Variants in CBLN4 observed in about 807,000 individuals in gnomAD.
The protein encoded by CBLN4 is cerebellin 4 precursor.
A neutral mutation model predicts 14.9 loss-of-function variants in CBLN4; 7 were observed. That is an observed-to-expected ratio of 0.47 (90% CI 0.27 to 0.88). The LOEUF (loss-of-function observed/expected upper bound fraction) is 0.88. CBLN4 is among the 40% of genes least tolerant of loss of function. The pLI is 0.14. For missense variants in CBLN4, 188 were observed against 256.8 expected, an observed-to-expected ratio of 0.73 and a Z score of 1.83; for synonymous variants, 131 against 116.5, an observed-to-expected ratio of 1.12 and a Z score of -0.80.
rs530165679 is a variant in CBLN4, at chr20:56,001,749, T to C, written c.292-902A>G. 5.3e-5 allele frequency among the ~76,000 whole-genome samples: 8 copies of C among 152,334 alleles called. No individual in the cohort carries two copies. The East Asian group carries it at 1.5e-3, about 29-fold the overall frequency. On this transcript the variant is annotated intron_variant, in intron 1 of 2. Coordinates refer to ENST00000064571, the MANE Select transcript of CBLN4 (RefSeq NM_080617.6). Reference sequence around the variant, plus strand: ...CAAGAAAGCAACAATGCATTTTGTATTCCAAAATATTCAGCCTAGTTCTAT... The same window carrying C: ...CAAGAAAGCAACAATGCATTTTGTACTCCAAAATATTCAGCCTAGTTCTAT...
At position 55,998,252 on chromosome 20, in the gene CBLN4, A is replaced by G. The variant is rs926241398; in HGVS notation, c.*305T>C. The G allele has an allele frequency of 2.9e-5, 10 of 349,708 alleles. No homozygotes were observed. The highest frequency in any genetic ancestry group is 4.2e-5 in the Non-Finnish European group (8 of 192,340). 21.7% of individuals were successfully genotyped at this position (349,708 alleles called of 1,614,324 possible). On this transcript the variant is annotated 3_prime_UTR_variant, in exon 3 of 3. Transcript: ENST00000064571. ...TAAAACTAAACAAATAAAATTCCAC[A>G]TCTGTAACTAATTCAGTAATCCCAG...
Position 56,003,865 on chromosome 20 carries a change from T to C in CBLN4, c.291+16A>G. The C allele has an allele frequency of 1.3e-6, 2 of 1,576,632 alleles. No individual in the cohort carries two copies. The highest frequency in any genetic ancestry group is 1.4e-5 in the African/African-American group (1 of 72,972). Reference sequence around the variant, plus strand: ...ACCGCCCACCCCCTAGGTGCTCGCTTCCCCCCGGGTCTGACCTGATCGAAG... The same window carrying C: ...ACCGCCCACCCCCTAGGTGCTCGCTCCCCCCCGGGTCTGACCTGATCGAAG... On this transcript the variant is annotated intron_variant, in intron 1 of 2. Coordinates refer to ENST00000064571, the MANE Select transcript of CBLN4 (RefSeq NM_080617.6).
chr20:56,002,297 AT>A (rs910328102), intron 1 of CBLN4, among the ~76,000 whole-genome samples: 2 of 152,202 alleles, frequency 1.3e-5, no homozygotes, highest in African/African-American at 4.8e-5. Flanking sequence ...TTACAAAGAA[AT>A]TTTTCAAGCA....
In CBLN4 at chr20:56,004,856, G is replaced by A. The variant is rs563720880; in HGVS notation, c.-685C>T. The A allele has an allele frequency of 6.6e-6, 1 of 152,558 alleles. No individual in the cohort carries two copies. The highest frequency in any genetic ancestry group is 2.4e-5 in the African/African-American group (1 of 41,598). The allele number at this position is 152,558 out of a possible 1,614,324, so 9.5% of individuals were successfully genotyped here. ...CTCGCACCGAAAGCGCGGATTCGCA[G>A]GATCAGGTCCAGGGCGCCGGGCGCA... On this transcript the variant is annotated 5_prime_UTR_variant, in exon 1 of 3. Transcript: ENST00000064571. This position sits in a 1 kb window ranked among gnomAD's most constrained non-coding sequence, Gnocchi z 6.1.
Position 55,999,701 on chromosome 20 carries a change from T to G in CBLN4, c.409-947A>C, listed in dbSNP as rs555841425. On this transcript the variant is annotated intron_variant, in intron 2 of 2. Coordinates refer to ENST00000064571, the MANE Select transcript of CBLN4 (RefSeq NM_080617.6). ...TTAGTGATTTTAGTGATTTTAGATT[T>G]AGATTTTAAATTTTAGAGATTTCAG... is the stretch of plus-strand genomic sequence containing the variant. Among the ~76,000 whole-genome samples the G allele has an allele frequency of 7.2e-5, 11 of 152,332 alleles. 1 individual carries two copies. The highest frequency in any genetic ancestry group is 2.6e-4 in the African/African-American group (11 of 41,578).
Position 55,998,468 on chromosome 20 carries a change from A to G in CBLN4, c.*89T>C. 7.0e-7 allele frequency: 1 copy of G among 1,421,574 alleles called. No individual in the cohort carries two copies. The highest frequency in any genetic ancestry group is 9.8e-7 in the Non-Finnish European group (1 of 1,021,848). The allele number at this position is 1,421,574 out of a possible 1,614,324, so 88.1% of individuals were successfully genotyped here. On this transcript the variant is annotated 3_prime_UTR_variant, in exon 3 of 3. Transcript: ENST00000064571. ...TCCACCCATGAGAAACCAATAAAAG[A>G]CATCAATCCAATGATGAAAAAATGA...
At position 56,000,792 on chromosome 20, in the gene CBLN4, C is replaced by A; in HGVS notation, c.347G>T (p.Arg116Ile). 1 of 1,603,062 alleles carries A rather than the reference C, an allele frequency of 6.2e-7. No individual in the cohort carries two copies. Among genetic ancestry groups the A allele is most frequent in the Non-Finnish European group, 8.5e-7 (1 of 1,174,986 alleles). ...FTLESVFVAP[R>I]KGIYSFSFHV... ...AAAACTGAAACTGTAAATTCCTTTTCTTGGTGCTACAAAGACAGACTCCAA... is the reference window on the plus strand; with the variant it reads ...AAAACTGAAACTGTAAATTCCTTTTATTGGTGCTACAAAGACAGACTCCAA... Residue 116 changes from arginine (R) to isoleucine (I), a missense_variant, in exon 2 of 3, where the codon AGA becomes ATA. By Grantham distance (97) the Arg-to-Ile change is moderately conservative (BLOSUM62 -3). Around this residue, in one of 2 missense-constraint regions of CBLN4, gnomAD observed 93 missense variants for 157.7 expected, o/e 0.59. Coordinates refer to ENST00000064571, the MANE Select transcript of CBLN4 (RefSeq NM_080617.6).
intron 2 of CBLN4, among the ~76,000 whole-genome samples, chr20:55,999,841 T>C (rs1192365553): frequency 6.6e-6 from 1 of 152,176 alleles, no homozygotes; most frequent in African/African-American, 2.4e-5. Context: ...TGGGAAAACT[T>C]TTCCATGGAA....
chr20:55,999,562 A>G (rs1169645424), intron 2 of CBLN4, among the ~76,000 whole-genome samples: 1 of 152,196 alleles, frequency 6.6e-6, no homozygotes, highest in Non-Finnish European at 1.5e-5. Context: ...CAGGGGTTTG[A>G]GGCTGAAGTG....
intron 1 of CBLN4, 65 bp downstream of exon 1, chr20:56,003,816 A>G (rs1381249557): frequency 2.0e-6 from 3 of 1,503,956 alleles, no homozygotes; most frequent in South Asian, 1.3e-5. Context: ...CTGGGCAGGC[A>G]GCCTCGTGCT....
rs1168380072 is a variant in CBLN4 at position 55,997,363 on chromosome 20, TAAG to T, written c.*1191_*1193del. The T allele has an allele frequency of 6.6e-6, 1 of 152,304 alleles. No individual in the cohort carries two copies. The highest frequency in any genetic ancestry group is 1.5e-5 in the Non-Finnish European group (1 of 67,966). 9.4% of individuals were successfully genotyped at this position (152,304 alleles called of 1,614,324 possible). A position where few individuals can be genotyped will look rare whatever the true frequency, so the allele number is the denominator to read the frequency against. On this transcript the variant is annotated 3_prime_UTR_variant, in exon 3 of 3. Transcript: ENST00000064571. The stretch of plus-strand genomic sequence containing the variant: ...AAGGAGCAAAGAAGGAAGAAAGGGT[TAAG>T]AAGAGACAAAGTAAGAGGAAATAAA...
chr20:56,004,066 G>T lies in CBLN4; in HGVS notation c.106C>A (p.Leu36Met). Residue 36 changes from leucine to methionine, a missense_variant, in exon 1 of 3, where the codon CTG becomes ATG. Around this residue, in one of 2 missense-constraint regions of CBLN4, gnomAD observed 95 missense variants for 99.2 expected, o/e 0.96. Transcript: ENST00000064571. This position sits in a 1 kb window ranked among gnomAD's most constrained non-coding sequence, Gnocchi z 6.1. ...CACACCACCAGACACTTGCCCTCCA[G>T]CACGATGGGCTCCGTGTCGTTCTGT... ...WAQNDTEPIV[L>M]EGKCLVVCDS... The T allele has an allele frequency of 6.2e-7, 1 of 1,613,704 alleles. No homozygotes were observed. Among genetic ancestry groups the T allele is most frequent in the Non-Finnish European group, 8.5e-7 (1 of 1,179,926 alleles).
At position 56,000,768 on chromosome 20, in the gene CBLN4, A is replaced by T. The variant is rs1358277557; in HGVS notation, c.371T>A (p.Phe124Tyr). 1 of 1,601,936 alleles carries T rather than the reference A, an allele frequency of 6.2e-7. No individual in the cohort carries two copies. Among genetic ancestry groups the T allele is most frequent in the Admixed American group, 1.7e-5 (1 of 58,372 alleles). ...APRKGIYSFS[F>Y]HVIKVYQSQT... is the part of the protein sequence containing the mutation. Reference sequence around the variant, plus strand: ...GCTCTGGTAGACTTTAATCACGTGAAAACTGAAACTGTAAATTCCTTTTCT... The same window carrying T: ...GCTCTGGTAGACTTTAATCACGTGATAACTGAAACTGTAAATTCCTTTTCT... The change falls in exon 2 of 3, where the codon TTT (phenylalanine) becomes TAT (tyrosine). Residue 124 changes from phenylalanine (F) to tyrosine (Y), a missense_variant. Physicochemically the swap from Phe to Tyr is conservative, Grantham distance 22 (BLOSUM62 3). Coordinates refer to ENST00000064571, the MANE Select transcript of CBLN4 (RefSeq NM_080617.6).
rs1986307581 is a variant in CBLN4, at chr20:55,998,007, G to A, written c.*550C>T. ...GTAGTCAAGGTAAATTTGTGGGCAAGCCATTCATTACCTTATTTTAAGAGA... is the reference window on the plus strand; with the variant it reads ...GTAGTCAAGGTAAATTTGTGGGCAAACCATTCATTACCTTATTTTAAGAGA... On this transcript the variant is annotated 3_prime_UTR_variant, in exon 3 of 3. Coordinates refer to ENST00000064571, the MANE Select transcript of CBLN4 (RefSeq NM_080617.6). 6.6e-6 allele frequency: 1 copy of A among 151,948 alleles called. No individual in the cohort carries two copies. Among genetic ancestry groups the A allele is most frequent in the Non-Finnish European group, 1.5e-5 (1 of 67,962 alleles). 9.4% of individuals were successfully genotyped at this position (151,948 alleles called of 1,614,324 possible).
rs766197207 is a variant in CBLN4 at position 56,004,040 on chromosome 20, G to A, written c.132C>T (p.Cys44=). 4.0e-5 allele frequency: 64 copies of A among 1,613,788 alleles called. 1 individual carries two copies. In the South Asian group the frequency reaches 5.7e-4, roughly 14 times the overall value. ...IVLEGKCLVV[C]DSNPATDSKG... Reference sequence around the variant, plus strand: ...TGGAGTCCGTGGCCGGGTTCGAGTCGCACACCACCAGACACTTGCCCTCCA... The same window carrying A: ...TGGAGTCCGTGGCCGGGTTCGAGTCACACACCACCAGACACTTGCCCTCCA... The change falls in exon 1 of 3, where the codon TGC becomes TGT. Residue 44 remains cysteine, a synonymous_variant. Transcript: ENST00000064571. The surrounding 1 kb of genome is among the most constrained non-coding windows in gnomAD (Gnocchi z 6.1).
chr20:56,001,404 C>T (rs889195778), intron 1 of CBLN4, among the ~76,000 whole-genome samples: 2 of 152,232 alleles, frequency 1.3e-5, no homozygotes, highest in African/African-American at 2.4e-5. Flanking sequence ...ACCCCCTCCA[C>T]CATGTGACAT....
chr20:56,004,018 A>G lies in CBLN4; in HGVS notation c.154T>C (p.Ser52Pro). 1 of 1,613,940 alleles carries G rather than the reference A, an allele frequency of 6.2e-7. No homozygotes were observed. Among genetic ancestry groups the G allele is most frequent in the Non-Finnish European group, 8.5e-7 (1 of 1,179,968 alleles). ...AGCGGGGAGGAAGAGGAGCCCTTGG[A>G]GTCCGTGGCCGGGTTCGAGTCGCAC... ...VVCDSNPATD[S>P]KGSSSSPLGI... Residue 52 changes from serine (S) to proline (P), a missense_variant, in exon 1 of 3, where the codon TCC (serine) becomes CCC (proline). Coordinates refer to ENST00000064571, the MANE Select transcript of CBLN4 (RefSeq NM_080617.6). This position sits in a 1 kb window ranked among gnomAD's most constrained non-coding sequence, Gnocchi z 6.1.
In CBLN4 at chr20:56,000,806, G is replaced by C; in HGVS notation, c.333C>G (p.Val111=). The C allele has an allele frequency of 6.3e-7, 1 of 1,595,838 alleles. No individual in the cohort carries two copies. Among genetic ancestry groups the C allele is most frequent in the East Asian group, 2.3e-5 (1 of 43,760 alleles). Residue 111 remains valine, a synonymous_variant, in exon 2 of 3, where the codon GTC becomes GTG. Coordinates refer to ENST00000064571, the MANE Select transcript of CBLN4 (RefSeq NM_080617.6). ...AAATTCCTTTTCTTGGTGCTACAAA[G>C]ACAGACTCCAATGTGAAAAAATTAC... The part of the protein sequence containing the change: ...NVGNFFTLES[V]FVAPRKGIYS...
At chr20:56,001,250 A>G (rs1309105146) in intron 1 of CBLN4, among the ~76,000 whole-genome samples, 2 of 152,240 alleles carry the variant, frequency 1.3e-5, no homozygotes, top group Admixed American at 1.3e-4. Context: ...TTACCTTGAG[A>G]GTTGGATAAA....
Sources: gnomAD v4.1 joint callset for allele counts (sites outside exome capture counted in the v4.1 genomes callset) on GRCh38, gnomAD v4.1.1 for gene constraint, gnomAD v4.1.1 regional missense constraint, Gnocchi (gnomAD v3.1) non-coding constraint, MANE v1.5 for transcripts, NCBI Gene and HGNC (gene_info 2026-07-23, HGNC 2026-07-21) for gene names.